Variants in DAPP1 observed in about 807,000 individuals in gnomAD.
DAPP1 encodes dual adaptor of phosphotyrosine and 3-phosphoinositides 1, also known as dual adapter for phosphotyrosine and 3-phosphotyrosine and 3-phosphoinositide.
In DAPP1, 20 loss-of-function variants were observed where a neutral mutation model predicts 41.5. That is an observed-to-expected ratio of 0.48 (90% CI 0.34 to 0.70). DAPP1 has a LOEUF of 0.70. DAPP1 is among the 30% of genes least tolerant of loss of function. DAPP1 has a pLI of 0.01. For missense variants in DAPP1, 233 were observed against 333.4 expected (o/e 0.70, Z 2.35); for synonymous variants, 113 against 116.2 (o/e 0.97, Z 0.18).
chr4:99,861,561 G>A lies in DAPP1; in HGVS notation c.490-17G>A, dbSNP rs1267510530. On this transcript the variant is annotated splice_polypyrimidine_tract_variant and intron_variant, in intron 4 of 8. Transcript: ENST00000512369. The stretch of plus-strand genomic sequence containing the variant: ...TTGTGACAGTTCTGGTCTTCACTCA[G>A]TGCTTTTCTTTTTCAGCTGGGCACC... 1.3e-6 allele frequency: 2 copies of A among 1,564,926 alleles called. No homozygotes were observed. The highest frequency in any genetic ancestry group is 1.7e-6 in the Non-Finnish European group (2 of 1,153,898).
In DAPP1 at chr4:99,862,944, A is replaced by G. The variant is rs1385470351; in HGVS notation, c.538-66A>G. The stretch of plus-strand genomic sequence containing the variant: ...AATGAAAGTAAATCATCTGGTTCAA[A>G]TATTACATTCCTGTATTCAAAACTT... On this transcript the variant is annotated intron_variant, in intron 5 of 8. Transcript: ENST00000512369. The G allele has an allele frequency of 6.1e-6, 7 of 1,147,012 alleles. No individual in the cohort carries two copies. The East Asian group carries it at 1.4e-4, about 23-fold the overall frequency. The allele number at this position is 1,147,012 out of a possible 1,614,324, so 71.1% of individuals were successfully genotyped here. A position where few individuals can be genotyped will look rare whatever the true frequency, so the allele number is the denominator to read the frequency against.
chr4:99,821,792 T>G (rs551978402), intron 1 of DAPP1, among the ~76,000 whole-genome samples: 2 of 152,358 alleles, frequency 1.3e-5, no homozygotes, highest in African/African-American at 4.8e-5. Context: ...GTTCTGTGAT[T>G]ATAACAAAGT....
At chr4:99,828,576 T>C (rs758361674) in intron 1 of DAPP1, among the ~76,000 whole-genome samples, 1 of 152,144 alleles carries the variant, frequency 6.6e-6, no homozygotes, top group Non-Finnish European at 1.5e-5. Flanking sequence ...CTGGAGCAAT[T>C]TTCCAGAAGA....
At chr4:99,832,661 A>C (rs1723166532) in intron 1 of DAPP1, among the ~76,000 whole-genome samples, 1 of 152,208 alleles carries the variant, frequency 6.6e-6, no homozygotes. Context: ...CATTATACTC[A>C]AGTATTTCTT....
intron 8 of DAPP1, chr4:99,866,423 A>G: frequency 1.5e-6 from 1 of 685,870 alleles, no homozygotes; most frequent in South Asian, 1.6e-5. Flanking sequence ...CTGGAGGGGG[A>G]CATTTAGAAC....
intron 2 of DAPP1, among the ~76,000 whole-genome samples, chr4:99,839,367 A>C (rs952305061): frequency 2.7e-5 from 4 of 147,784 alleles, no homozygotes; most frequent in East Asian, 1.9e-4. Context: ...ATATAGATAT[A>C]TATAGATATC....
chr4:99,859,602 C>A (rs1436445641), intron 4 of DAPP1, among the ~76,000 whole-genome samples: 1 of 152,156 alleles, frequency 6.6e-6, no homozygotes, highest in Non-Finnish European at 1.5e-5. Context: ...TCTTATCATC[C>A]TCAGTACACT....
downstream of DAPP1, among the ~76,000 whole-genome samples, chr4:99,871,084 A>C (rs146020663): frequency 5.3e-5 from 8 of 152,042 alleles, no homozygotes; most frequent in Non-Finnish European, 1.0e-4. Context: ...TCTTTTCCCA[A>C]CCACATGGCA....
At chr4:99,826,110 A>T (rs1489799002) in intron 1 of DAPP1, among the ~76,000 whole-genome samples, 1 of 152,224 alleles carries the variant, frequency 6.6e-6, no homozygotes, top group Non-Finnish European at 1.5e-5. Context: ...TGAACGCCTA[A>T]TAGATTCATC....
At chr4:99,870,666 G>T (rs2110173958), downstream of DAPP1, among the ~76,000 whole-genome samples, 1 of 152,308 alleles carries the variant, frequency 6.6e-6, no homozygotes, top group East Asian at 1.9e-4. Flanking sequence ...CAGAGCAGGG[G>T]AATATGGGAG....
chr4:99,861,604 C>G lies in DAPP1; in HGVS notation c.516C>G (p.Thr172=). 6 of 1,574,378 alleles carry G rather than the reference C, an allele frequency of 3.8e-6. No individual in the cohort carries two copies. Among genetic ancestry groups the G allele is most frequent in the Non-Finnish European group, 5.2e-6 (6 of 1,158,838 alleles). Reference sequence around the variant, plus strand: ...TGGGCACCAAAGAAGGTTACCTCACCAAACAGGGAGGCCTGGTCAAGGTAA... The same window carrying G: ...TGGGCACCAAAGAAGGTTACCTCACGAAACAGGGAGGCCTGGTCAAGGTAA... ...PSLGTKEGYL[T]KQGGLVKTWK... The change falls in exon 5 of 9, where the codon ACC becomes ACG. Residue 172 remains threonine (T), a synonymous_variant. Coordinates refer to ENST00000512369, the MANE Select transcript of DAPP1 (RefSeq NM_014395.3).
intron 7 of DAPP1, 80 bp downstream of exon 7, chr4:99,863,935 T>A: frequency 1.1e-6 from 1 of 923,352 alleles, no homozygotes; most frequent in Non-Finnish European, 1.7e-6. Flanking sequence ...GAAAGCTGTA[T>A]ATCTTAATGT....
At chr4:99,848,307 A>C (rs1723740153) in intron 3 of DAPP1, among the ~76,000 whole-genome samples, 1 of 149,890 alleles carries the variant, frequency 6.7e-6, no homozygotes, top group South Asian at 2.1e-4. Context: ...GGCTCACTGC[A>C]ACCTCCGCCT....
chr4:99,870,158 T>A lies in DAPP1; in HGVS notation c.*1973T>A, dbSNP rs1724599761. On this transcript the variant is annotated 3_prime_UTR_variant, in exon 9 of 9. Transcript: ENST00000512369. ...TTGCTGTGCATGTACCATTTTGCTATTAAAATTTATTTTTAATATTTGTAA... is the reference window on the plus strand; with the variant it reads ...TTGCTGTGCATGTACCATTTTGCTAATAAAATTTATTTTTAATATTTGTAA... The A allele has an allele frequency of 6.6e-6, 1 of 152,140 alleles. No individual in the cohort carries two copies. The allele number at this position is 152,140 out of a possible 1,614,324, so 9.4% of individuals were successfully genotyped here.
At chr4:99,837,070 G>C (rs368339079) in intron 2 of DAPP1, among the ~76,000 whole-genome samples, 1 of 152,216 alleles carries the variant, frequency 6.6e-6, no homozygotes, top group African/African-American at 2.4e-5. Flanking sequence ...TACCACATGG[G>C]TGTTTGCTTT....
chr4:99,865,970 A>ATATATATAATATAT (rs1724439959), intron 7 of DAPP1, 64 bp from the exon 8 acceptor site: 8 of 77,570 alleles, frequency 1.0e-4, no homozygotes, highest in African/African-American at 5.7e-4. Context: ...TATATATTAT[A>ATATATATAATATAT]TATATATATA....
intron 3 of DAPP1, among the ~76,000 whole-genome samples, chr4:99,849,799 C>G (rs1723792052): frequency 6.6e-6 from 1 of 152,176 alleles, no homozygotes; most frequent in South Asian, 2.1e-4. Flanking sequence ...AGTAAGACCA[C>G]TGTAATTGAC....
intron 1 of DAPP1, among the ~76,000 whole-genome samples, chr4:99,825,470 C>A (rs962068855): frequency 3.3e-5 from 5 of 152,210 alleles, no homozygotes; most frequent in Non-Finnish European, 5.9e-5. Context: ...TTGGGACCTG[C>A]CTTTAACTCA....
intron 1 of DAPP1, among the ~76,000 whole-genome samples, chr4:99,830,178 C>T (rs141422139): frequency 0.011 from 1,743 of 152,208 alleles, 41 homozygotes; most frequent in African/African-American, 0.039. Context: ...AGGTCAGGAG[C>T]TCAAGACCAG....
Sources: gnomAD v4.1 joint callset for allele counts (sites outside exome capture counted in the v4.1 genomes callset) on GRCh38, gnomAD v4.1.1 for gene constraint, MANE v1.5 for transcripts, NCBI Gene and HGNC (gene_info 2026-07-23, HGNC 2026-07-21) for gene names.